PDE1A: variants seen among roughly 807,000 people sequenced by gnomAD.
PDE1A encodes the protein phosphodiesterase 1A.
A neutral mutation model predicts 61.7 loss-of-function variants in PDE1A; 35 were observed. The observed-to-expected ratio is 0.57, with a 90% CI of 0.43 to 0.75. PDE1A has a LOEUF of 0.75. PDE1A is among the 30% of genes least tolerant of loss of function. The pLI is 0.00. For missense variants in PDE1A, 597 were observed against 630.6 expected (o/e 0.95, Z 0.57); for synonymous variants, 232 against 213.2 (o/e 1.09, Z -0.77).
At chr2:182,472,497 C>A (rs1273969349) in intron 2 of PDE1A, among the ~76,000 whole-genome samples, 2 of 151,790 alleles carry the variant, frequency 1.3e-5, no homozygotes, top group African/African-American at 4.8e-5. Flanking sequence ...TAAGTGGGAG[C>A]TAAATTATGT....
At chr2:182,199,941 T>C (rs1324869951) in intron 10 of PDE1A, among the ~76,000 whole-genome samples, 1 of 152,078 alleles carries the variant, frequency 6.6e-6, no homozygotes, top group Non-Finnish European at 1.5e-5. Context: ...AGGTATAAAA[T>C]TAATGAACAA....
chr2:182,298,240 T>C (rs1381070384), intron 1 of PDE1A, among the ~76,000 whole-genome samples: 1 of 152,116 alleles, frequency 6.6e-6, no homozygotes, highest in East Asian at 1.9e-4. Flanking sequence ...ACCTATGAAA[T>C]TGGGCGGCTG....
chr2:182,486,620 A>T (rs1300203820), intron 2 of PDE1A, among the ~76,000 whole-genome samples: 1 of 152,136 alleles, frequency 6.6e-6, no homozygotes. Flanking sequence ...CAGAATTGAA[A>T]GACCAGAAAT....
intron 2 of PDE1A, among the ~76,000 whole-genome samples, chr2:182,516,702 G>GAGGGAGGA (rs1210589355): frequency 8.6e-6 from 1 of 116,848 alleles, no homozygotes; most frequent in Admixed American, 9.3e-5. Flanking sequence ...GGGAGGAAGG[G>GAGGGAGGA]AGGAAGGAAG....
intron 2 of PDE1A, among the ~76,000 whole-genome samples, chr2:182,510,986 A>C (rs979701764): frequency 1.4e-4 from 21 of 152,182 alleles, no homozygotes; most frequent in African/African-American, 4.8e-4. Context: ...AAAGTACATG[A>C]AAATATATAG....
At chr2:182,530,985 TG>T in the PDE1A span, among the ~76,000 whole-genome samples, 2 of 152,046 alleles carry the variant, frequency 1.3e-5, no homozygotes, top group South Asian at 2.1e-4. Context: ...TTATTATAAA[TG>T]GGAGAGAGTA....
intron 2 of PDE1A, among the ~76,000 whole-genome samples, chr2:182,469,179 T>C (rs532646547): frequency 1.3e-5 from 2 of 152,076 alleles, no homozygotes; most frequent in African/African-American, 4.8e-5. Context: ...TTTTCTTCTC[T>C]AGCTATGAAA....
At chr2:182,555,965 CAAAAAAAAA>C in the PDE1A span, among the ~76,000 whole-genome samples, 123 of 48,436 alleles carry the variant, frequency 2.5e-3, no homozygotes, top group African/African-American at 0.012. Flanking sequence ...AACTCCATCT[CAAAAAAAAA>C]AAAAAAAAAA....
At chr2:182,323,683 G>A (rs1696850562) in intron 1 of PDE1A, among the ~76,000 whole-genome samples, 2 of 152,158 alleles carry the variant, frequency 1.3e-5, no homozygotes. Context: ...GTCTGGAGAG[G>A]TAGGTCTGGC....
intron 6 of PDE1A, among the ~76,000 whole-genome samples, chr2:182,226,207 A>G (rs1384891927): frequency 1.3e-5 from 2 of 150,082 alleles, no homozygotes; most frequent in African/African-American, 5.0e-5. Flanking sequence ...CACAGAATAT[A>G]AACTGTCAAT....
chr2:182,185,399 C>A (rs751599384), intron 13 of PDE1A, among the ~76,000 whole-genome samples: 4 of 152,148 alleles, frequency 2.6e-5, no homozygotes, highest in African/African-American at 4.8e-5. Flanking sequence ...CCTTCCCATG[C>A]GATTGCTGTG....
At chr2:182,333,469 C>A (rs924076398) in intron 1 of PDE1A, among the ~76,000 whole-genome samples, 5 of 152,124 alleles carry the variant, frequency 3.3e-5, no homozygotes, top group Admixed American at 2.0e-4. Context: ...ACAACCTACT[C>A]CTGAATGACT....
chr2:182,155,706 A>T (rs1194880957), intron 13 of PDE1A, among the ~76,000 whole-genome samples: 4 of 152,140 alleles, frequency 2.6e-5, no homozygotes, highest in African/African-American at 9.7e-5. Context: ...CCTGACCAAC[A>T]AGGAGAAACC....
At chr2:182,311,705 A>T (rs984017795) in intron 1 of PDE1A, among the ~76,000 whole-genome samples, 1 of 152,080 alleles carries the variant, frequency 6.6e-6, no homozygotes, top group African/African-American at 2.4e-5. Flanking sequence ...GATGAGCCAC[A>T]ATTTGTTTAT....
the PDE1A span, among the ~76,000 whole-genome samples, chr2:182,679,188 A>ATT: frequency 1.5e-4 from 21 of 141,702 alleles, no homozygotes; most frequent in African/African-American, 5.2e-4. Context: ...TATTATTATT[A>ATT]TTATTTTTTT....
intron 2 of PDE1A, among the ~76,000 whole-genome samples, chr2:182,444,390 T>C (rs12693306): frequency 0.39 from 58,366 of 151,568 alleles, 11,844 homozygotes; most frequent in East Asian, 0.65. Context: ...GTAGCATGAT[T>C]ACAATAGCAC....
the PDE1A span, among the ~76,000 whole-genome samples, chr2:182,675,750 G>A: frequency 1.3e-5 from 2 of 152,086 alleles, no homozygotes; most frequent in African/African-American, 4.8e-5. Context: ...TCACATGCAT[G>A]TCTTCTTCTG....
rs191089189 is a variant in PDE1A, at chr2:182,271,770, G to A, written c.54-7356C>T. Among the ~76,000 whole-genome samples, 936 of 152,094 alleles carry A rather than the reference G, an allele frequency of 6.2e-3. 11 individuals carry two copies. The highest frequency in any genetic ancestry group is 0.021 in the African/African-American group (874 of 41,524). The stretch of plus-strand genomic sequence containing the variant: ...TGTTCAAAAAGAAATAGACAAAAGG[G>A]TATTTATGGTTTGCATTAACTCCTG... On this transcript the variant is annotated intron_variant, in intron 1 of 13. Coordinates refer to ENST00000351439, the Ensembl canonical transcript of PDE1A.
intron 2 of PDE1A, among the ~76,000 whole-genome samples, chr2:182,246,406 T>TC (rs1690969128): frequency 6.6e-5 from 1 of 15,220 alleles, no homozygotes; most frequent in Admixed American, 6.6e-4. Context: ...TTTTTCTTTC[T>TC]TTTTTTTTTT....
Sources: allele counts gnomAD v4.1 joint callset (sites outside exome capture counted in the v4.1 genomes callset), GRCh38; gene constraint gnomAD v4.1.1; transcripts MANE v1.5; gene names NCBI Gene and HGNC (gene_info 2026-07-23, HGNC 2026-07-21).